APOBEC3F: variants seen among roughly 807,000 people sequenced by gnomAD.
APOBEC3F encodes the protein apolipoprotein B mRNA editing enzyme catalytic subunit 3F.
A neutral mutation model predicts 45.8 loss-of-function variants in APOBEC3F; 34 were observed. That is an observed-to-expected ratio of 0.74 (90% CI 0.57 to 0.99). The LOEUF is 0.99. Ranked by LOEUF, APOBEC3F falls within the 50% of genes least tolerant of loss-of-function variation. The pLI is 0.00. For missense variants in APOBEC3F, 459 were observed against 474.1 expected, an observed-to-expected ratio of 0.97 and a Z score of 0.30; for synonymous variants, 192 against 174.4, an observed-to-expected ratio of 1.10 and a Z score of -0.80.
Position 39,053,418 on chromosome 22 carries a change from G to A in APOBEC3F, c.*723G>A, listed in dbSNP as rs531018531. On this transcript the variant is annotated 3_prime_UTR_variant, in exon 7 of 7. Coordinates refer to ENST00000308521, the MANE Select transcript of APOBEC3F (RefSeq NM_145298.6). ...GAGCCCAGGAATTCGAGACCAGCCT[G>A]GGCCACATGACAAAGCCCCATCTCT... 6.6e-6 allele frequency: 1 copy of A among 151,718 alleles called. No individual in the cohort carries two copies. Among genetic ancestry groups the A allele is most frequent in the Admixed American group, 6.6e-5 (1 of 15,228 alleles). The allele number at this position is 151,718 out of a possible 1,614,324, so 9.4% of individuals were successfully genotyped here.
Position 39,052,233 on chromosome 22 carries a change from A to G in APOBEC3F, c.883A>G (p.Ser295Gly), listed in dbSNP as rs151229697. 5.0e-5 allele frequency: 81 copies of G among 1,614,090 alleles called. No individual in the cohort carries two copies. The highest frequency in any genetic ancestry group is 3.0e-4 in the South Asian group (27 of 91,086). ...GEVAEFLARH[S>G]NVNLTIFTAR... ...GGTGGCCGAGTTCCTGGCCAGGCAC[A>G]GCAACGTGAATCTCACCATCTTCAC... Residue 295 changes from serine to glycine, a missense_variant, in exon 6 of 7, where the codon AGC becomes GGC. Ser to Gly is a moderately conservative substitution (Grantham distance 56, BLOSUM62 0). Coordinates refer to ENST00000308521, the MANE Select transcript of APOBEC3F (RefSeq NM_145298.6).
At chr22:39,046,591 TCAGTGATCAAGGTCC>T (rs2146345018) in intron 4 of APOBEC3F, among the ~76,000 whole-genome samples, 2 of 150,546 alleles carry the variant, frequency 1.3e-5, no homozygotes, top group East Asian at 3.9e-4. Flanking sequence ...AAACAAACAC[TCAGTGATCAAGGTCC>T]CAATTGAATA....
At chr22:39,044,313 G>C in intron 2 of APOBEC3F, 2 of 1,449,514 alleles carry the variant, frequency 1.4e-6, no homozygotes, top group South Asian at 1.5e-5. Context: ...AACAGGGCTG[G>C]GAAAACTTCC....
chr22:39,044,241 G>C, intron 2 of APOBEC3F: 2 of 1,594,110 alleles, frequency 1.3e-6, no homozygotes, highest in Non-Finnish European at 1.7e-6. Flanking sequence ...AGCAGGGGCT[G>C]AGGATGCCTG....
intron 5 of APOBEC3F, among the ~76,000 whole-genome samples, chr22:39,051,606 A>G (rs935103641): frequency 6.6e-6 from 1 of 152,048 alleles, no homozygotes; most frequent in African/African-American, 2.4e-5. Flanking sequence ...AAGAAGGGAA[A>G]TTCAATGAGT....
Position 39,052,882 on chromosome 22 carries a change from A to C in APOBEC3F, c.*187A>C. On this transcript the variant is annotated 3_prime_UTR_variant, in exon 7 of 7. Transcript: ENST00000308521. ...CCGCTCTCCCAGGCTCTTCCTGCAG[A>C]GGCCTCTTTCTGCCTCCATGGCTAT... The C allele has an allele frequency of 7.5e-7, 1 of 1,335,156 alleles. No individual in the cohort carries two copies. Among genetic ancestry groups the C allele is most frequent in the Non-Finnish European group, 9.7e-7 (1 of 1,033,084 alleles). The allele number at this position is 1,335,156 out of a possible 1,614,324, so 82.7% of individuals were successfully genotyped here.
At position 39,055,117 on chromosome 22, in the gene APOBEC3F, G is replaced by A. The variant is rs921385552; in HGVS notation, c.*2422G>A. ...CAGACAGTTTTGCTCTTGTTTTCTA[G>A]GCTGGAGTGCAATGGCACAATCTCA... is the stretch of plus-strand genomic sequence containing the variant. On this transcript the variant is annotated 3_prime_UTR_variant, in exon 7 of 7. Transcript: ENST00000308521. Among the ~76,000 whole-genome samples, 2 of 148,974 alleles carry A rather than the reference G, an allele frequency of 1.3e-5. No individual in the cohort carries two copies. Among genetic ancestry groups the A allele is most frequent in the Non-Finnish European group, 3.0e-5 (2 of 67,622 alleles).
intron 2 of APOBEC3F, chr22:39,044,051 G>A: frequency 6.7e-7 from 1 of 1,496,098 alleles, no homozygotes; most frequent in Non-Finnish European, 8.9e-7. Flanking sequence ...AACAAAAAAA[G>A]ATAAATGAGC....
Position 39,049,499 on chromosome 22 carries a change from A to G in APOBEC3F, c.641A>G (p.Asn214Ser), listed in dbSNP as rs764020546. 7 of 1,613,982 alleles carry G rather than the reference A, an allele frequency of 4.3e-6. No individual in the cohort carries two copies. The South Asian group carries it at 7.7e-5, about 18-fold the overall frequency. Residue 214 changes from asparagine (N) to serine (S), a missense_variant, in exon 5 of 7, where the codon AAC (asparagine) becomes AGC (serine). Asn to Ser is a conservative substitution (Grantham distance 46, BLOSUM62 1). Transcript: ENST00000308521. ...AACCTACGCAAAGCCTATGGTCGGAACGAAAGCTGGCTGTGCTTCACCATG... is the reference window on the plus strand; with the variant it reads ...AACCTACGCAAAGCCTATGGTCGGAGCGAAAGCTGGCTGTGCTTCACCATG... ...FKNLRKAYGR[N>S]ESWLCFTMEV...
chr22:39,049,695 ATTTC>A, intron 5 of APOBEC3F, 114 bp downstream of exon 5: 1 of 1,121,216 alleles, frequency 8.9e-7, no homozygotes. Context: ...TTCCTCTTAC[ATTTC>A]TTTTTTTTTT....
intron 4 of APOBEC3F, 101 bp from the exon 5 acceptor site, chr22:39,049,324 C>T: frequency 2.2e-6 from 3 of 1,348,720 alleles, no homozygotes; most frequent in Non-Finnish European, 2.0e-6. Flanking sequence ...GGGAAAGCAG[C>T]AGACATTCCC....
At chr22:39,048,223 C>A (rs1379383190) in intron 4 of APOBEC3F, among the ~76,000 whole-genome samples, 1 of 152,208 alleles carries the variant, frequency 6.6e-6, no homozygotes, top group Non-Finnish European at 1.5e-5. Context: ...CAGGGCTGGC[C>A]CGGAAAGGGG....
chr22:39,052,163 C>T lies in APOBEC3F; in HGVS notation c.813C>T (p.Val271=), dbSNP rs755889934. The stretch of plus-strand genomic sequence containing the variant: ...TGTCTCCTAACACAAACTACGAGGT[C>T]ACCTGGTACACATCTTGGAGCCCTT... ...DILSPNTNYE[V]TWYTSWSPCP... Residue 271 remains valine (V), a synonymous_variant, in exon 6 of 7, where the codon GTC becomes GTT. Transcript: ENST00000308521. 6.2e-7 allele frequency: 1 copy of T among 1,614,104 alleles called. No individual in the cohort carries two copies. The highest frequency in any genetic ancestry group is 1.1e-5 in the South Asian group (1 of 91,082).
At chr22:39,047,063 A>T (rs1927260042) in intron 4 of APOBEC3F, among the ~76,000 whole-genome samples, 1 of 152,122 alleles carries the variant, frequency 6.6e-6, no homozygotes, top group Non-Finnish European at 1.5e-5. Flanking sequence ...CATAGGGACA[A>T]GAGCTCAGCC....
At position 39,055,317 on chromosome 22, in the gene APOBEC3F, TCTC is replaced by T. The variant is rs1274174145; in HGVS notation, c.*2626_*2628del. The stretch of plus-strand genomic sequence containing the variant: ...GAACTCATGAGCTCAGGCGATCCAC[TCTC>T]CTCAGCCTCCCAAAGTGCTGGGATT... On this transcript the variant is annotated 3_prime_UTR_variant, in exon 7 of 7. Transcript: ENST00000308521. Among the ~76,000 whole-genome samples, 2 of 151,560 alleles carry T rather than the reference TCTC, an allele frequency of 1.3e-5. No individual in the cohort carries two copies. The highest frequency in any genetic ancestry group is 6.6e-5 in the Admixed American group (1 of 15,208).
chr22:39,047,318 T>C (rs531607729), intron 4 of APOBEC3F, among the ~76,000 whole-genome samples: 11 of 152,278 alleles, frequency 7.2e-5, no homozygotes, highest in South Asian at 6.2e-4. Flanking sequence ...GGAGTCCCTC[T>C]GGAGGTCCTC....
chr22:39,043,542 T>C (rs1259429901), intron 2 of APOBEC3F, among the ~76,000 whole-genome samples: 2 of 149,946 alleles, frequency 1.3e-5, no homozygotes. Flanking sequence ...ACTTCTGACC[T>C]CAGGTGATCC....
intron 2 of APOBEC3F, 85 bp from the exon 3 acceptor site, chr22:39,044,856 C>T: frequency 2.3e-6 from 3 of 1,282,674 alleles, no homozygotes; most frequent in Non-Finnish European, 3.2e-6. Flanking sequence ...GGGCTCCTGT[C>T]CTGGCCCCTC....
Position 39,043,152 on chromosome 22 carries a change from C to T in APOBEC3F, c.171+62C>T, listed in dbSNP as rs575606863. 103 of 1,589,002 alleles carry T rather than the reference C, an allele frequency of 6.5e-5. No homozygotes were observed. The African/African-American group carries it at 9.9e-4, about 15-fold the overall frequency. ...CTAAGCCAGCTGGGAAAGCAAACCA[C>T]GCACTGATAAGTGAAGTGCCCGGCG... On this transcript the variant is annotated intron_variant, in intron 2 of 6. Transcript: ENST00000308521.
Sources: gnomAD v4.1 joint callset for allele counts (sites outside exome capture counted in the v4.1 genomes callset) on GRCh38, gnomAD v4.1.1 for gene constraint, MANE v1.5 for transcripts, NCBI Gene and HGNC (gene_info 2026-07-23, HGNC 2026-07-21) for gene names.